The following PARD3 variants were observed in gnomAD, a reference collection of about 807,000 sequenced individuals.
The protein encoded by PARD3 is partitioning defective 3 homolog.
In PARD3, 75 loss-of-function variants were observed where a neutral mutation model predicts 155.4. The observed-to-expected ratio is 0.48, with a 90% CI of 0.40 to 0.58. The LOEUF (loss-of-function observed/expected upper bound fraction) is 0.58. Among genes scored for constraint, PARD3 ranks in the 20% least tolerant of loss-of-function variants. PARD3 has a pLI of 0.00. For synonymous variants in PARD3, 576 were observed against 610.5 expected (o/e 0.94, Z 0.83); for missense variants, 1,642 against 1,721.7 (o/e 0.95, Z 0.82).
intron 2 of PARD3, among the ~76,000 whole-genome samples, chr10:34,594,307 T>C (rs1449209739): frequency 6.6e-6 from 1 of 152,204 alleles, no homozygotes; most frequent in African/African-American, 2.4e-5. Context: ...CTTAATTTAA[T>C]GACTATTACT....
intron 2 of PARD3, among the ~76,000 whole-genome samples, chr10:34,624,146 C>A (rs770279693): frequency 6.6e-6 from 1 of 152,198 alleles, no homozygotes; most frequent in Non-Finnish European, 1.5e-5. Flanking sequence ...ACTCTAGAAT[C>A]CTTCAGTGAA....
intron 1 of PARD3, among the ~76,000 whole-genome samples, chr10:34,744,047 G>C (rs923579030): frequency 6.6e-6 from 1 of 152,190 alleles, no homozygotes; most frequent in Non-Finnish European, 1.5e-5. Context: ...CAAACAGCCA[G>C]GCCTGAGCCA....
Position 34,349,781 on chromosome 10 carries a change from G to GA in PARD3, c.2068-1667dup, listed in dbSNP as rs1837843410. On this transcript the variant is annotated intron_variant, in intron 14 of 24. Transcript: ENST00000374788. The stretch of plus-strand genomic sequence containing the variant: ...AGACAACATATCCTCAAGGTTGCCT[G>GA]AAAAATGTATTTAATTGAACTGTAT... Among the ~76,000 whole-genome samples, 3 of 152,016 alleles carry GA rather than the reference G, an allele frequency of 2.0e-5. No homozygotes were observed. In the South Asian group the frequency reaches 6.2e-4, roughly 31 times the overall value.
intron 1 of PARD3, among the ~76,000 whole-genome samples, chr10:34,708,650 T>G (rs1388205506): frequency 6.6e-6 from 1 of 152,142 alleles, no homozygotes; most frequent in African/African-American, 2.4e-5. Flanking sequence ...GTATCAGTGG[T>G]GCATTTCACT....
chr10:34,756,645 G>A (rs1176568241), intron 1 of PARD3, among the ~76,000 whole-genome samples: 2 of 151,532 alleles, frequency 1.3e-5, no homozygotes, highest in African/African-American at 4.9e-5. Context: ...ATAGAGATGG[G>A]GTCTCACTAC....
At chr10:34,572,400 A>G (rs943803606) in intron 2 of PARD3, among the ~76,000 whole-genome samples, 2 of 152,160 alleles carry the variant, frequency 1.3e-5, no homozygotes, top group Non-Finnish European at 2.9e-5. Flanking sequence ...GCACTCTGGG[A>G]GGCCGAGGCA....
intron 7 of PARD3, 149 bp from the exon 8 acceptor site, chr10:34,384,403 C>A: frequency 1.4e-6 from 1 of 738,894 alleles, no homozygotes; most frequent in Non-Finnish European, 2.2e-6. Context: ...AAATGACAGA[C>A]AAAAACCACA....
chr10:34,129,341 T>C (rs1288997295), intron 23 of PARD3, among the ~76,000 whole-genome samples: 1 of 151,952 alleles, frequency 6.6e-6, no homozygotes, highest in Admixed American at 6.6e-5. Flanking sequence ...TTAGTAGAGA[T>C]GGGGTTTCAT....
chr10:34,754,411 C>T (rs1051739886), intron 1 of PARD3, among the ~76,000 whole-genome samples: 5 of 152,146 alleles, frequency 3.3e-5, no homozygotes, highest in East Asian at 1.9e-4. Flanking sequence ...TTCTACAACC[C>T]GTCTTATGAA....
chr10:34,435,275 T>C (rs1048106945), intron 5 of PARD3, among the ~76,000 whole-genome samples: 4 of 152,208 alleles, frequency 2.6e-5, no homozygotes, highest in Admixed American at 2.6e-4. Context: ...TCTCAACTTC[T>C]TAAACATCAG....
intron 22 of PARD3, among the ~76,000 whole-genome samples, chr10:34,153,284 T>G (rs2132979928): frequency 6.6e-6 from 1 of 152,216 alleles, no homozygotes; most frequent in South Asian, 2.1e-4. Flanking sequence ...AGTGCTGGAA[T>G]TACAGGTGTG....
chr10:34,334,876 T>C (rs1036887160), intron 18 of PARD3, among the ~76,000 whole-genome samples: 1 of 151,896 alleles, frequency 6.6e-6, no homozygotes, highest in Non-Finnish European at 1.5e-5. Flanking sequence ...TTGGATATCA[T>C]TATGTTGTAG....
intron 4 of PARD3, among the ~76,000 whole-genome samples, chr10:34,451,480 T>G (rs553956859): frequency 6.6e-6 from 1 of 152,044 alleles, no homozygotes; most frequent in Non-Finnish European, 1.5e-5. Context: ...GAACACCCAA[T>G]ACAAACACAG....
chr10:34,660,258 T>C (rs1434643986), intron 2 of PARD3, among the ~76,000 whole-genome samples: 1 of 152,218 alleles, frequency 6.6e-6, no homozygotes, highest in Admixed American at 6.5e-5. Flanking sequence ...AAGATAATTT[T>C]ATAATTTGAA....
At chr10:34,755,246 T>TAA (rs376176701) in intron 1 of PARD3, among the ~76,000 whole-genome samples, 8 of 135,694 alleles carry the variant, frequency 5.9e-5, no homozygotes, top group African/African-American at 1.6e-4. Flanking sequence ...TACTAAAAAT[T>TAA]AAAAAAAAAA....
chr10:34,351,067 T>C (rs1838026461), intron 14 of PARD3, among the ~76,000 whole-genome samples: 1 of 152,296 alleles, frequency 6.6e-6, no homozygotes, highest in South Asian at 2.1e-4. Context: ...TTTAATAAAA[T>C]CTCCGTTTGT....
At chr10:34,723,385 A>G (rs1337737722) in intron 1 of PARD3, among the ~76,000 whole-genome samples, 4 of 152,204 alleles carry the variant, frequency 2.6e-5, no homozygotes, top group African/African-American at 9.6e-5. Flanking sequence ...GAAAAAGGCC[A>G]CCAATGATGG....
At chr10:34,158,428 T>C (rs1949117595) in intron 22 of PARD3, among the ~76,000 whole-genome samples, 1 of 152,216 alleles carries the variant, frequency 6.6e-6, no homozygotes, top group Non-Finnish European at 1.5e-5. Flanking sequence ...TCACGATTCT[T>C]TTCCATTTCA....
chr10:34,555,601 G>T (rs1434965769), intron 2 of PARD3, among the ~76,000 whole-genome samples: 4 of 152,166 alleles, frequency 2.6e-5, no homozygotes, highest in African/African-American at 9.7e-5. Flanking sequence ...ATCATGGGCT[G>T]TATGCTTATC....
Sources: allele counts gnomAD v4.1 joint callset (sites outside exome capture counted in the v4.1 genomes callset), GRCh38; gene constraint gnomAD v4.1.1; transcripts MANE v1.5; gene names NCBI Gene and HGNC (gene_info 2026-07-23, HGNC 2026-07-21).